C1orf159: variants seen among roughly 807,000 people sequenced by gnomAD.
The protein encoded by C1orf159 is uncharacterized protein C1orf159.
C1orf159 carries 19 observed loss-of-function variants against 25.6 expected under a neutral mutation model. The ratio of observed to expected loss-of-function variants is 0.74; its 90% confidence interval spans 0.52 to 1.09. The LOEUF (loss-of-function observed/expected upper bound fraction) is 1.09. C1orf159 is among the 50% of genes least tolerant of loss of function. C1orf159 has a pLI of 0.00. For synonymous variants in C1orf159, 139 were observed against 124.7 expected, an observed-to-expected ratio of 1.12 and a Z score of -0.77; for missense variants, 274 against 290.6, an observed-to-expected ratio of 0.94 and a Z score of 0.42.
At chr1:1,105,862 G>A (rs1041447441) in intron 1 of C1orf159, 12 of 152,194 alleles carry the variant, frequency 7.9e-5, no homozygotes, top group Non-Finnish European at 1.8e-4. Context: ...GCTACAGAGC[G>A]AGACTCTGTC....
intron 6 of C1orf159, 99 bp from the exon 7 acceptor site, chr1:1,086,111 G>C: frequency 7.0e-7 from 1 of 1,423,004 alleles, no homozygotes; most frequent in Non-Finnish European, 9.6e-7. Context: ...GCTGCTCTCT[G>C]AACATGCCTG....
chr1:1,105,624 G>A (rs551387170), intron 1 of C1orf159, among the ~76,000 whole-genome samples: 1 of 152,336 alleles, frequency 6.6e-6, no homozygotes, highest in African/African-American at 2.4e-5. Flanking sequence ...GCTCACACCT[G>A]TAATCCTAGC....
In C1orf159 at chr1:1,090,409, C is replaced by T; in HGVS notation, c.92G>A (p.Cys31Tyr). Residue 31 changes from cysteine (C) to tyrosine (Y), a missense_variant, in exon 4 of 10, where the codon TGT (cysteine) becomes TAT (tyrosine). Cys to Tyr is a radical substitution (Grantham distance 194, BLOSUM62 -2). Coordinates refer to ENST00000421241, the MANE Select transcript of C1orf159 (RefSeq NM_017891.5). ...MENTAQLPEC[C>Y]VDVVGVNASC... ...GGCGTTGACGCCCACCACATCCACA[C>T]AGCACTCGGGCAGCTGGGCCTGGAG... The T allele has an allele frequency of 6.4e-7, 1 of 1,550,522 alleles. No homozygotes were observed.
chr1:1,090,107 C>T (rs1271708469), intron 4 of C1orf159, among the ~76,000 whole-genome samples: 1 of 152,196 alleles, frequency 6.6e-6, no homozygotes, highest in Non-Finnish European at 1.5e-5. Context: ...CTGATCTCAG[C>T]TCCTGCCTCT....
At chr1:1,083,249 G>T (rs1645773524) in intron 9 of C1orf159, 2 of 458,658 alleles carry the variant, frequency 4.4e-6, no homozygotes, top group Non-Finnish European at 3.9e-6. Flanking sequence ...ACAAGGGCCA[G>T]GCGATCCCCG....
intron 1 of C1orf159, among the ~76,000 whole-genome samples, chr1:1,111,830 C>T (rs998319926): frequency 6.6e-6 from 1 of 152,178 alleles, no homozygotes; most frequent in East Asian, 1.9e-4. Context: ...ATCTTCGTAG[C>T]AAGCAAAGGA....
At chr1:1,094,796 T>C (rs575180404) in intron 1 of C1orf159, among the ~76,000 whole-genome samples, 11 of 152,348 alleles carry the variant, frequency 7.2e-5, no homozygotes, top group African/African-American at 2.6e-4. Context: ...ATTTTTCCTT[T>C]TGTGGTTCTT....
Position 1,082,170 on chromosome 1 carries a change from G to C in C1orf159, c.*723C>G, listed in dbSNP as rs1645752174. ...GGTTAGATGTGGGCCTGCCCCACGT[G>C]GGCAGGGATCAGCCAGGCATGGGGG... On this transcript the variant is annotated 3_prime_UTR_variant, in exon 10 of 10. Transcript: ENST00000421241. The C allele has an allele frequency of 6.5e-6, 1 of 152,786 alleles. No homozygotes were observed. Among genetic ancestry groups the C allele is most frequent in the Non-Finnish European group, 1.5e-5 (1 of 68,320 alleles). The allele number at this position is 152,786 out of a possible 1,614,324, so 9.5% of individuals were successfully genotyped here.
chr1:1,086,761 A>T (rs921727629), intron 6 of C1orf159, among the ~76,000 whole-genome samples: 2 of 151,934 alleles, frequency 1.3e-5, no homozygotes, highest in Non-Finnish European at 2.9e-5. Flanking sequence ...TGAACCTGAG[A>T]GTGTGTGGTG....
chr1:1,114,117 A>G (rs187741031), intron 1 of C1orf159, among the ~76,000 whole-genome samples: 33 of 152,024 alleles, frequency 2.2e-4, no homozygotes, highest in African/African-American at 8.0e-4. Flanking sequence ...GGGTTTCACC[A>G]TATTCGCCAG....
intron 6 of C1orf159, among the ~76,000 whole-genome samples, chr1:1,086,837 A>G (rs1645837789): frequency 6.6e-6 from 1 of 151,660 alleles, no homozygotes; most frequent in Non-Finnish European, 1.5e-5. Context: ...GCCGTGAGCC[A>G]TGAGTGTGAA....
intron 1 of C1orf159, among the ~76,000 whole-genome samples, chr1:1,103,396 G>A (rs1646129651): frequency 6.6e-6 from 1 of 152,178 alleles, no homozygotes; most frequent in Non-Finnish European, 1.5e-5. Context: ...ATTTTGAACT[G>A]TACCCTGTAC....
rs190181254 is a variant in C1orf159, at chr1:1,114,545, C to G, written c.-136+1515G>C. 2.9e-3 allele frequency among the ~76,000 whole-genome samples: 445 copies of G among 152,288 alleles called. 9 individuals are homozygous for G. The highest frequency in any genetic ancestry group is 0.01 in the African/African-American group (427 of 41,554). On this transcript the variant is annotated intron_variant, in intron 1 of 9. Transcript: ENST00000421241. ...TTCCCGGGATGCTGCCTGTGCACCC[C>G]AGGGCTGAGGTGACTGCGTGTGGAA...
rs1029878024 is a variant in C1orf159, at chr1:1,089,559, G to A, written c.148+794C>T. 3.9e-5 allele frequency among the ~76,000 whole-genome samples: 6 copies of A among 152,116 alleles called. No homozygotes were observed. Among genetic ancestry groups the A allele is most frequent in the Admixed American group, 2.0e-4 (3 of 15,282 alleles). On this transcript the variant is annotated intron_variant, in intron 4 of 9. Transcript: ENST00000421241. The surrounding 1 kb of genome is among the most constrained non-coding windows in gnomAD (Gnocchi z 7.5). ...GCCCAGCCTCGGACCCCCGCGCCCAGCCTCACTGGCTGCCACAGCCGCCGT... is the reference window on the plus strand; with the variant it reads ...GCCCAGCCTCGGACCCCCGCGCCCAACCTCACTGGCTGCCACAGCCGCCGT...
rs572542226 is a variant in C1orf159, at chr1:1,106,321, C to T, written c.-136+9739G>A. Among the ~76,000 whole-genome samples the T allele has an allele frequency of 3.2e-4, 48 of 152,290 alleles. No individual in the cohort carries two copies. In the South Asian group the frequency reaches 9.5e-3, roughly 30 times the overall value. On this transcript the variant is annotated intron_variant, in intron 1 of 9. Transcript: ENST00000421241. ...TGCAAATCAAAATCAAAATGAAATACTCCACACCCATTAGAATGGCTATTA... is the reference window on the plus strand; with the variant it reads ...TGCAAATCAAAATCAAAATGAAATATTCCACACCCATTAGAATGGCTATTA...
At chr1:1,114,165 T>TC in intron 1 of C1orf159, among the ~76,000 whole-genome samples, 1 of 151,204 alleles carries the variant, frequency 6.6e-6, no homozygotes, top group East Asian at 1.9e-4. Context: ...TCCGCCCCCC[T>TC]CCCCCCACGG....
chr1:1,096,804 A>G (rs9651272), intron 1 of C1orf159, among the ~76,000 whole-genome samples: 121,509 of 152,114 alleles, frequency 0.8, 49,101 homozygotes, highest in East Asian at 0.98. Context: ...AGCTCACCAC[A>G]GCCTCAGTCT....
At chr1:1,111,666 A>G (rs1208039201) in intron 1 of C1orf159, among the ~76,000 whole-genome samples, 3 of 152,206 alleles carry the variant, frequency 2.0e-5, no homozygotes, top group Non-Finnish European at 4.4e-5. Flanking sequence ...GACCACACCC[A>G]CGCTCACCGT....
chr1:1,115,725 C>T (rs1397534460), intron 1 of C1orf159, among the ~76,000 whole-genome samples: 1 of 111,724 alleles, frequency 9.0e-6, no homozygotes, highest in African/African-American at 3.6e-5. Context: ...ACCCCCTCCC[C>T]TCCTTAGGGA....
Sources: allele counts gnomAD v4.1 joint callset (sites outside exome capture counted in the v4.1 genomes callset), GRCh38; gene constraint gnomAD v4.1.1; non-coding constraint Gnocchi (gnomAD v3.1); transcripts MANE v1.5; gene names NCBI Gene and HGNC (gene_info 2026-07-23, HGNC 2026-07-21).